Variants in SGCD observed in about 807,000 individuals in gnomAD.
SGCD encodes delta-sarcoglycan.
In SGCD, 18 loss-of-function variants were observed where a neutral mutation model predicts 36.6. The observed-to-expected ratio is 0.49, with a 90% CI of 0.34 to 0.73. The LOEUF (loss-of-function observed/expected upper bound fraction) is 0.73. Ranked by LOEUF, SGCD falls within the 30% of genes least tolerant of loss-of-function variation. The pLI, the probability that SGCD is intolerant of heterozygous loss-of-function variation, is 0.01. For missense variants in SGCD, 387 were observed against 346.7 expected, an observed-to-expected ratio of 1.12 and a Z score of -0.92; for synonymous variants, 133 against 130.6, an observed-to-expected ratio of 1.02 and a Z score of -0.12.
At chr5:156,248,135 G>C (rs1410346322) in intron 3 of SGCD, among the ~76,000 whole-genome samples, 1 of 151,866 alleles carries the variant, frequency 6.6e-6, no homozygotes, top group Non-Finnish European at 1.5e-5. Flanking sequence ...GTGTGTGACA[G>C]AGAGAGAGAG....
At chr5:156,164,736 C>G (rs1379640428) in intron 3 of SGCD, among the ~76,000 whole-genome samples, 1 of 152,170 alleles carries the variant, frequency 6.6e-6, no homozygotes, top group Non-Finnish European at 1.5e-5. Flanking sequence ...AATATCAAAT[C>G]AAAACACTGG....
intron 4 of SGCD, among the ~76,000 whole-genome samples, chr5:156,547,514 C>T (rs928539604): frequency 1.3e-5 from 2 of 151,236 alleles, no homozygotes; most frequent in Admixed American, 1.3e-4. Context: ...GCGATCCCTG[C>T]TCACTGCGAG....
At chr5:156,060,607 T>A (rs900235740) in intron 1 of SGCD, among the ~76,000 whole-genome samples, 1 of 145,672 alleles carries the variant, frequency 6.9e-6, no homozygotes, top group Admixed American at 6.9e-5. Context: ...TGTACCTTCA[T>A]CAATGCTGGA....
At chr5:156,376,857 G>C (rs933096222) in intron 3 of SGCD, among the ~76,000 whole-genome samples, 1 of 152,032 alleles carries the variant, frequency 6.6e-6, no homozygotes, top group Admixed American at 6.6e-5. Flanking sequence ...ATTTTTAAAA[G>C]ATATAATTTC....
chr5:156,303,831 T>C (rs1767126156), intron 3 of SGCD, among the ~76,000 whole-genome samples: 1 of 151,656 alleles, frequency 6.6e-6, no homozygotes, highest in Non-Finnish European at 1.5e-5. Flanking sequence ...CACTAGTATC[T>C]AAGTTGCAAG....
At chr5:156,169,451 T>C (rs1763292598) in intron 3 of SGCD, among the ~76,000 whole-genome samples, 1 of 152,242 alleles carries the variant, frequency 6.6e-6, no homozygotes, top group South Asian at 2.1e-4. Flanking sequence ...ATTTCCTCAA[T>C]TGTTTACTAA....
chr5:155,935,854 G>A (rs908519288), intron 1 of SGCD, among the ~76,000 whole-genome samples: 1 of 152,210 alleles, frequency 6.6e-6, no homozygotes, highest in African/African-American at 2.4e-5. Context: ...CCTGCCAAGG[G>A]TGAGCGGAGT....
intron 2 of SGCD, among the ~76,000 whole-genome samples, chr5:156,337,821 C>A (rs186183320): frequency 4.6e-5 from 7 of 152,178 alleles, no homozygotes; most frequent in Admixed American, 3.3e-4. Context: ...TAGTAGATGT[C>A]AAAATATATA....
At chr5:156,254,797 T>A (rs896263948) in intron 3 of SGCD, among the ~76,000 whole-genome samples, 1 of 152,214 alleles carries the variant, frequency 6.6e-6, no homozygotes, top group Non-Finnish European at 1.5e-5. Context: ...TGGTGAGCTA[T>A]GATTACGTCA....
chr5:156,767,087 C>T lies in SGCD; in HGVS notation c.*7697C>T, dbSNP rs1757604503. On this transcript the variant is annotated 3_prime_UTR_variant, in exon 9 of 9. Coordinates refer to ENST00000337851, the MANE Select transcript of SGCD (RefSeq NM_000337.6). ...TTCCTTTTTAATGGTTTAAGACATC[C>T]AAATGGCAAGCCAGGAATAGATACC... 1.3e-5 allele frequency: 2 copies of T among 152,120 alleles called. No homozygotes were observed. The highest frequency in any genetic ancestry group is 2.9e-5 in the Non-Finnish European group (2 of 68,030). 9.4% of individuals were successfully genotyped at this position (152,120 alleles called of 1,614,324 possible). A position where few individuals can be genotyped will look rare whatever the true frequency, so the allele number is the denominator to read the frequency against.
chr5:156,195,234 A>G (rs572096165), intron 3 of SGCD, among the ~76,000 whole-genome samples: 12 of 152,330 alleles, frequency 7.9e-5, no homozygotes, highest in African/African-American at 2.9e-4. Flanking sequence ...GTGTTCAAAG[A>G]GAGAAGACTA....
chr5:156,508,149 C>A, intron 3 of SGCD, among the ~76,000 whole-genome samples: 1 of 152,202 alleles, frequency 6.6e-6, no homozygotes, highest in Non-Finnish European at 1.5e-5. Context: ...TAACTTGACT[C>A]TTTACATGTT....
At chr5:156,082,449 A>C (rs1463473990) in intron 1 of SGCD, among the ~76,000 whole-genome samples, 4 of 152,130 alleles carry the variant, frequency 2.6e-5, no homozygotes, top group Admixed American at 2.6e-4. Flanking sequence ...AAATTTGATC[A>C]CTTCAATAGT....
chr5:156,735,191 C>A (rs1478792094), intron 7 of SGCD, among the ~76,000 whole-genome samples: 1 of 152,088 alleles, frequency 6.6e-6, no homozygotes, highest in Non-Finnish European at 1.5e-5. Context: ...GAGCTCCATC[C>A]CAGAGAGGCC....
At chr5:156,427,132 G>T (rs1773707168) in intron 3 of SGCD, among the ~76,000 whole-genome samples, 1 of 152,102 alleles carries the variant, frequency 6.6e-6, no homozygotes, top group Non-Finnish European at 1.5e-5. Flanking sequence ...ATTCCTTTGG[G>T]CAGTAAGGTC....
At chr5:156,414,626 G>A (rs1352067660) in intron 3 of SGCD, among the ~76,000 whole-genome samples, 2 of 152,208 alleles carry the variant, frequency 1.3e-5, no homozygotes, top group African/African-American at 2.4e-5. Flanking sequence ...AAATGAGTGT[G>A]GCTGTATTCC....
rs1231753431 is a variant in SGCD, at chr5:156,060,084, T to G, written c.-281-57794T>G. 2.0e-5 allele frequency among the ~76,000 whole-genome samples: 3 copies of G among 146,650 alleles called. 1 individual carries two copies. The highest frequency in any genetic ancestry group is 4.6e-5 in the Non-Finnish European group (3 of 65,082). On this transcript the variant is annotated intron_variant, in intron 1 of 9. Transcript: ENST00000517913. ...ATTATGAACTCTTCATACAGAACAA[T>G]TAATCTAAAATATTAACCTGCATTT... is the stretch of plus-strand genomic sequence containing the variant.
At chr5:155,910,531 G>T (rs1221200397) in intron 1 of SGCD, among the ~76,000 whole-genome samples, 1 of 151,980 alleles carries the variant, frequency 6.6e-6, no homozygotes. Context: ...GTAGTAACTT[G>T]GTGGTTGCAC....
intron 4 of SGCD, among the ~76,000 whole-genome samples, chr5:156,585,368 A>T (rs1581210380): frequency 6.6e-6 from 1 of 152,254 alleles, no homozygotes; most frequent in Non-Finnish European, 1.5e-5. Flanking sequence ...ATTGAAAATA[A>T]TAATGTTAAT....
Sources: allele counts gnomAD v4.1 joint callset (sites outside exome capture counted in the v4.1 genomes callset), GRCh38; gene constraint gnomAD v4.1.1; transcripts MANE v1.5; gene names NCBI Gene and HGNC (gene_info 2026-07-23, HGNC 2026-07-21).